TRAPPC6B: variants seen among roughly 807,000 people sequenced by gnomAD.
The protein encoded by TRAPPC6B is TRAPP complex subunit 6B.
A neutral mutation model predicts 24.7 loss-of-function variants in TRAPPC6B; 27 were observed. That is an observed-to-expected ratio of 1.09 (90% CI 0.81 to 1.51). The LOEUF is 1.51. TRAPPC6B is among the 40% of genes most tolerant of loss of function. The pLI, the probability that TRAPPC6B is intolerant of heterozygous loss-of-function variation, is 0.00. For synonymous variants in TRAPPC6B, 80 were observed against 66.6 expected, an observed-to-expected ratio of 1.20 and a Z score of -0.98; for missense variants, 212 against 190.8, an observed-to-expected ratio of 1.11 and a Z score of -0.66.
chr14:39,164,958 C>T (rs2053093084), intron 1 of TRAPPC6B, among the ~76,000 whole-genome samples: 1 of 152,186 alleles, frequency 6.6e-6, no homozygotes, highest in Non-Finnish European at 1.5e-5. Context: ...TTCCCTTTTA[C>T]CACTCTGAAA....
At chr14:39,167,468 G>A (rs1020678710) in intron 1 of TRAPPC6B, among the ~76,000 whole-genome samples, 1 of 151,798 alleles carries the variant, frequency 6.6e-6, no homozygotes, top group Non-Finnish European at 1.5e-5. Flanking sequence ...GGTCTTTTCA[G>A]ACATAAACAA....
intron 1 of TRAPPC6B, among the ~76,000 whole-genome samples, chr14:39,161,916 C>T (rs984311907): frequency 3.3e-5 from 5 of 152,166 alleles, no homozygotes; most frequent in East Asian, 1.9e-4. Context: ...AGGCCCGTAG[C>T]GATGAGGTTT....
At chr14:39,165,456 T>C (rs1177659131) in intron 1 of TRAPPC6B, among the ~76,000 whole-genome samples, 2 of 152,166 alleles carry the variant, frequency 1.3e-5, no homozygotes, top group Non-Finnish European at 2.9e-5. Flanking sequence ...TTACTGTACG[T>C]ATCACTATCT....
Position 39,169,931 on chromosome 14 carries a change from T to TG in TRAPPC6B, c.81+83dup, listed in dbSNP as rs1303293511. On this transcript the variant is annotated intron_variant, in intron 1 of 5. Transcript: ENST00000330149. ...CACCTCGGGAGGCGTCGGGTGGCGATGGGACAGGGGTTGAAGGAAAGCACT... is the reference window on the plus strand; with the variant it reads ...CACCTCGGGAGGCGTCGGGTGGCGATGGGGACAGGGGTTGAAGGAAAGCACT... 6 of 1,408,688 alleles carry TG rather than the reference T, an allele frequency of 4.3e-6. No individual in the cohort carries two copies. The East Asian group carries it at 1.1e-4, about 27-fold the overall frequency. 87.3% of individuals were successfully genotyped at this position (1,408,688 alleles called of 1,614,324 possible).
chr14:39,168,987 T>G (rs1210342060), intron 1 of TRAPPC6B, among the ~76,000 whole-genome samples: 5 of 152,218 alleles, frequency 3.3e-5, no homozygotes, highest in African/African-American at 1.2e-4. Context: ...CACCTCTCAA[T>G]TCTTCTCACT....
At chr14:39,155,894 T>G (rs1195497598) in intron 3 of TRAPPC6B, among the ~76,000 whole-genome samples, 1 of 152,130 alleles carries the variant, frequency 6.6e-6, no homozygotes, top group African/African-American at 2.4e-5. Context: ...AGTATTTCAC[T>G]GTATCCTTGA....
At position 39,159,498 on chromosome 14, in the gene TRAPPC6B, T is replaced by C. The variant is rs2053028805; in HGVS notation, c.134A>G (p.Gln45Arg). The C allele has an allele frequency of 1.2e-6, 2 of 1,605,542 alleles. No homozygotes were observed. Among genetic ancestry groups the C allele is most frequent in the Non-Finnish European group, 1.7e-6 (2 of 1,175,526 alleles). The change falls in exon 2 of 6, where the codon CAA becomes CGA. Residue 45 changes from glutamine to arginine, a missense_variant. Coordinates refer to ENST00000330149, the MANE Select transcript of TRAPPC6B (RefSeq NM_001079537.2). ...ACCTGCTCACCTTTCTATCAATCCTTGTCCCACTCGAAACCCCATGTTTTC... is the reference window on the plus strand; with the variant it reads ...ACCTGCTCACCTTTCTATCAATCCTCGTCCCACTCGAAACCCCATGTTTTC... ...KLENMGFRVG[Q>R]GLIERFTKDT... is the part of the protein sequence containing the mutation.
At chr14:39,154,979 G>C (rs903786629) in intron 3 of TRAPPC6B, among the ~76,000 whole-genome samples, 4 of 152,172 alleles carry the variant, frequency 2.6e-5, no homozygotes, top group African/African-American at 9.7e-5. Context: ...CTAGGCTGGA[G>C]TGTGGTGGTG....
In TRAPPC6B at chr14:39,151,860, TAA is replaced by T. The variant is rs1491486388; in HGVS notation, c.352-23_352-22del. ...AAATACTAAAAGGAAAAAAAATCAT[TAA>T]AAATAGTAAGGATTTACTAAAATAG... On this transcript the variant is annotated intron_variant, in intron 4 of 5. Transcript: ENST00000330149. 9 of 1,496,342 alleles carry T rather than the reference TAA, an allele frequency of 6.0e-6. No individual in the cohort carries two copies. In the Admixed American group the frequency reaches 1.8e-4, roughly 29 times the overall value. 92.7% of individuals were successfully genotyped at this position (1,496,342 alleles called of 1,614,324 possible).
At chr14:39,155,103 A>G (rs1056838955) in intron 3 of TRAPPC6B, among the ~76,000 whole-genome samples, 15 of 150,354 alleles carry the variant, frequency 1.0e-4, no homozygotes, top group African/African-American at 3.7e-4. Flanking sequence ...TAGTTTTATT[A>G]ATTTTTTGTA....
intron 3 of TRAPPC6B, among the ~76,000 whole-genome samples, chr14:39,155,740 T>C (rs958126686): frequency 6.6e-6 from 1 of 152,052 alleles, no homozygotes; most frequent in Non-Finnish European, 1.5e-5. Context: ...TTTCACCACG[T>C]TGGCCAGGCT....
At chr14:39,166,228 A>C (rs1436496516) in intron 1 of TRAPPC6B, among the ~76,000 whole-genome samples, 1 of 150,798 alleles carries the variant, frequency 6.6e-6, no homozygotes, top group Non-Finnish European at 1.5e-5. Flanking sequence ...GGTGTGAGCC[A>C]CCACACTAAC....
intron 1 of TRAPPC6B, among the ~76,000 whole-genome samples, 173 bp from the exon 2 acceptor site, chr14:39,159,723 TTTAC>T (rs1356768074): frequency 4.6e-5 from 7 of 150,842 alleles, no homozygotes; most frequent in African/African-American, 1.5e-4. Context: ...TTACTTTACT[TTTAC>T]TTACTTTACT....
At chr14:39,164,967 A>C (rs2053093162) in intron 1 of TRAPPC6B, among the ~76,000 whole-genome samples, 1 of 152,034 alleles carries the variant, frequency 6.6e-6, no homozygotes, top group East Asian at 1.9e-4. Context: ...ACCACTCTGA[A>C]ATTTCTGCAG....
intron 2 of TRAPPC6B, 101 bp from the exon 3 acceptor site, chr14:39,158,503 T>C: frequency 2.8e-6 from 2 of 704,216 alleles, no homozygotes; most frequent in South Asian, 1.8e-5. Flanking sequence ...GCACTGAACA[T>C]TTATTGGGTT....
chr14:39,167,801 A>G (rs2053123168), intron 1 of TRAPPC6B, among the ~76,000 whole-genome samples: 1 of 152,160 alleles, frequency 6.6e-6, no homozygotes, highest in Non-Finnish European at 1.5e-5. Flanking sequence ...CTTGTATGTT[A>G]GTCCATCTCT....
At position 39,151,044 on chromosome 14, in the gene TRAPPC6B, A is replaced by G. The variant is rs138555199; in HGVS notation, c.446-663T>C. ...GGGAGACATTTAGTGATAAAAGAAT[A>G]TTTGGTTTTACTTAGCTTGATATAA... is the stretch of plus-strand genomic sequence containing the variant. On this transcript the variant is annotated intron_variant, in intron 5 of 5. Coordinates refer to ENST00000330149, the MANE Select transcript of TRAPPC6B (RefSeq NM_001079537.2). Among the ~76,000 whole-genome samples, 558 of 152,180 alleles carry G rather than the reference A, an allele frequency of 3.7e-3. 6 individuals are homozygous for G. The highest frequency in any genetic ancestry group is 5.9e-3 in the Non-Finnish European group (403 of 67,998).
At chr14:39,151,338 C>T (rs2052909573) in intron 5 of TRAPPC6B, among the ~76,000 whole-genome samples, 3 of 142,916 alleles carry the variant, frequency 2.1e-5, no homozygotes, top group South Asian at 2.1e-4. Flanking sequence ...TGCAGTGAGC[C>T]GAGATTGTGC....
chr14:39,153,861 C>T (rs1009309366), intron 4 of TRAPPC6B, among the ~76,000 whole-genome samples: 1 of 152,032 alleles, frequency 6.6e-6, no homozygotes, highest in Non-Finnish European at 1.5e-5. Context: ...CTCGCCAGAA[C>T]GTCCAGCTAT....
Sources: allele counts gnomAD v4.1 joint callset (sites outside exome capture counted in the v4.1 genomes callset), GRCh38; gene constraint gnomAD v4.1.1; transcripts MANE v1.5; gene names NCBI Gene and HGNC (gene_info 2026-07-23, HGNC 2026-07-21).